The following NCOA2 variants were observed in gnomAD, a reference collection of about 807,000 sequenced individuals.
NCOA2 encodes nuclear receptor coactivator 2, also known as class E basic helix-loop-helix protein 75.
In NCOA2, 21 loss-of-function variants were observed where a neutral mutation model predicts 145.1. The observed-to-expected ratio is 0.14, with a 90% CI of 0.10 to 0.21. The LOEUF (loss-of-function observed/expected upper bound fraction) is 0.21, where lower values mean the gene tolerates loss of function less well. Among genes scored for constraint, NCOA2 ranks in the 10% least tolerant of loss-of-function variants. NCOA2 has a pLI of 1.00. For missense variants in NCOA2, 1,472 were observed against 1,837.6 expected, an observed-to-expected ratio of 0.80 and a Z score of 3.64; for synonymous variants, 619 against 637.5, an observed-to-expected ratio of 0.97 and a Z score of 0.44.
chr8:70,403,857 C>G (rs1438786796), upstream of NCOA2: 1 of 385,270 alleles, frequency 2.6e-6, no homozygotes, highest in African/African-American at 2.1e-5. Context: ...CCCTCCTCCT[C>G]CTCCTCCTCC....
At chr8:70,366,526 A>G (rs1810705193) in intron 1 of NCOA2, among the ~76,000 whole-genome samples, 1 of 151,164 alleles carries the variant, frequency 6.6e-6, no homozygotes, top group South Asian at 2.1e-4. Context: ...ATATATATAT[A>G]TATTTAATAT....
intron 2 of NCOA2, among the ~76,000 whole-genome samples, chr8:70,270,218 A>C (rs969122373): frequency 6.6e-6 from 1 of 152,120 alleles, no homozygotes; most frequent in Non-Finnish European, 1.5e-5. Flanking sequence ...AGAAAAAAGA[A>C]AAGAGAACAT....
intron 2 of NCOA2, among the ~76,000 whole-genome samples, chr8:70,239,664 G>C (rs139654399): frequency 9.5e-4 from 144 of 152,264 alleles, no homozygotes; most frequent in African/African-American, 3.2e-3. Context: ...GGGATGGCTT[G>C]GCACAAAAGT....
the NCOA2 span, among the ~76,000 whole-genome samples, chr8:70,420,416 C>A: frequency 6.6e-6 from 1 of 152,100 alleles, no homozygotes; most frequent in African/African-American, 2.4e-5. Flanking sequence ...AACACCAGTC[C>A]CCCAACCCCA....
chr8:70,125,013 T>A, intron 19 of NCOA2, 148 bp from the exon 20 acceptor site: 1 of 542,088 alleles, frequency 1.8e-6, no homozygotes, highest in Non-Finnish European at 2.9e-6. Flanking sequence ...TACATACATT[T>A]AAGAAAGATT....
chr8:70,353,487 A>C (rs1809424373), intron 1 of NCOA2, among the ~76,000 whole-genome samples: 1 of 147,842 alleles, frequency 6.8e-6, no homozygotes, highest in East Asian at 2.0e-4. Context: ...TTAGCATACT[A>C]GATGGAAAGA....
intron 1 of NCOA2, among the ~76,000 whole-genome samples, chr8:70,297,446 G>A (rs539209641): frequency 5.3e-5 from 8 of 152,138 alleles, no homozygotes; most frequent in Admixed American, 2.0e-4. Flanking sequence ...TGATCCTCCC[G>A]CCCCAGCCTC....
intron 22 of NCOA2, among the ~76,000 whole-genome samples, chr8:70,117,615 T>G (rs1807297153): frequency 6.6e-6 from 1 of 152,268 alleles, no homozygotes; most frequent in African/African-American, 2.4e-5. Context: ...GTTACCTGCA[T>G]AAAACCCCTT....
At chr8:70,220,632 C>G (rs983861942) in intron 2 of NCOA2, among the ~76,000 whole-genome samples, 21 of 152,082 alleles carry the variant, frequency 1.4e-4, no homozygotes, top group African/African-American at 4.8e-4. Flanking sequence ...AGCATAATGA[C>G]AGAAAGCAAA....
intron 1 of NCOA2, among the ~76,000 whole-genome samples, chr8:70,398,460 CA>C (rs1227858602): frequency 3.3e-5 from 5 of 151,996 alleles, no homozygotes; most frequent in Admixed American, 3.3e-4. Flanking sequence ...GACCATATCT[CA>C]AAATAATAAT....
the NCOA2 span, among the ~76,000 whole-genome samples, chr8:70,412,642 C>T: frequency 6.2e-5 from 7 of 113,410 alleles, no homozygotes; most frequent in South Asian, 3.3e-4. Flanking sequence ...AGCACTACTT[C>T]GTCTCAAAAA....
At chr8:70,414,553 T>A in the NCOA2 span, among the ~76,000 whole-genome samples, 2 of 152,174 alleles carry the variant, frequency 1.3e-5, no homozygotes, top group Non-Finnish European at 2.9e-5. Flanking sequence ...TATACATGTT[T>A]AGCAGAGTCC....
At chr8:70,339,446 T>C (rs2136434697) in intron 1 of NCOA2, among the ~76,000 whole-genome samples, 1 of 152,064 alleles carries the variant, frequency 6.6e-6, no homozygotes, top group South Asian at 2.1e-4. Context: ...GACAAACAAA[T>C]GGAAAAACAT....
intron 3 of NCOA2, among the ~76,000 whole-genome samples, chr8:70,215,146 T>C (rs1023694110): frequency 6.6e-6 from 1 of 152,132 alleles, no homozygotes; most frequent in African/African-American, 2.4e-5. Context: ...TTTTTACCCG[T>C]AGCTTCTGTT....
intron 1 of NCOA2, among the ~76,000 whole-genome samples, chr8:70,398,462 AAAT>A (rs774840164): frequency 6.6e-6 from 1 of 152,064 alleles, no homozygotes; most frequent in East Asian, 1.9e-4. Flanking sequence ...CCATATCTCA[AAAT>A]AATAATAATA....
chr8:70,431,089 C>T, the NCOA2 span, among the ~76,000 whole-genome samples: 1 of 151,956 alleles, frequency 6.6e-6, no homozygotes, highest in African/African-American at 2.4e-5. Flanking sequence ...TGATTTTATT[C>T]CATTACAATA....
At chr8:70,218,186 C>T (rs1026664625) in intron 2 of NCOA2, among the ~76,000 whole-genome samples, 10 of 145,492 alleles carry the variant, frequency 6.9e-5, no homozygotes, top group Middle Eastern at 3.2e-3. Context: ...GATACAATAG[C>T]GCAGTGGAGT....
At chr8:70,189,720 T>C (rs560888492) in intron 4 of NCOA2, among the ~76,000 whole-genome samples, 12 of 152,238 alleles carry the variant, frequency 7.9e-5, no homozygotes, top group South Asian at 2.1e-4. Flanking sequence ...CTGCCTCTTA[T>C]AGGGTTTAGG....
At chr8:70,114,865 C>T (rs1479404349) in intron 22 of NCOA2, among the ~76,000 whole-genome samples, 1 of 152,124 alleles carries the variant, frequency 6.6e-6, no homozygotes, top group African/African-American at 2.4e-5. Flanking sequence ...GAAAGTATTG[C>T]CAGATCATGA....
Sources: allele counts gnomAD v4.1 joint callset (sites outside exome capture counted in the v4.1 genomes callset), GRCh38; gene constraint gnomAD v4.1.1; transcripts MANE v1.5; gene names NCBI Gene and HGNC (gene_info 2026-07-23, HGNC 2026-07-21).